The following TMEM178B variants were observed in gnomAD, a reference collection of about 807,000 sequenced individuals.
TMEM178B encodes transmembrane protein 178B.
Under a neutral mutation model 31.0 loss-of-function variants are expected in TMEM178B, and 5 were observed. The observed-to-expected ratio is 0.16, with a 90% CI of 0.08 to 0.34. TMEM178B has a LOEUF of 0.34. TMEM178B is among the 10% of genes least tolerant of loss of function. The pLI is 1.00. For synonymous variants in TMEM178B, 164 were observed against 164.0 expected, an observed-to-expected ratio of 1.00 and a Z score of 0.00; for missense variants, 275 against 400.3, an observed-to-expected ratio of 0.69 and a Z score of 2.67.
intron 2 of TMEM178B, among the ~76,000 whole-genome samples, chr7:141,402,744 G>T (rs1800808252): frequency 1.3e-5 from 2 of 152,372 alleles, no homozygotes; most frequent in South Asian, 4.1e-4. Flanking sequence ...ACCAACCTGT[G>T]ATGACAGGCA....
intron 2 of TMEM178B, among the ~76,000 whole-genome samples, chr7:141,425,031 T>C (rs1403599655): frequency 6.6e-6 from 1 of 152,174 alleles, no homozygotes; most frequent in Non-Finnish European, 1.5e-5. Context: ...AATCTCTTTG[T>C]CTCAATTTCC....
At chr7:141,405,929 A>G (rs1364412062) in intron 2 of TMEM178B, among the ~76,000 whole-genome samples, 1 of 152,188 alleles carries the variant, frequency 6.6e-6, no homozygotes, top group Admixed American at 6.5e-5. Flanking sequence ...TGTTGTGTTC[A>G]GTCCTCATTA....
chr7:141,281,240 G>A (rs189071475), intron 2 of TMEM178B, among the ~76,000 whole-genome samples: 15 of 152,264 alleles, frequency 9.9e-5, no homozygotes, highest in East Asian at 1.9e-4. Flanking sequence ...AGAAAATCAC[G>A]GAGTGGAATT....
chr7:141,414,230 G>A lies in TMEM178B; in HGVS notation c.497-23378G>A, dbSNP rs1393401251. On this transcript the variant is annotated intron_variant, in intron 2 of 3. Coordinates refer to ENST00000565468, the MANE Select transcript of TMEM178B (RefSeq NM_001195278.2). ...CTCCCGAGTAGCTGGGACTACAGGC[G>A]CCCGCCACCGCGCCCGGCTAATTTT... is the stretch of plus-strand genomic sequence containing the variant. 2.9e-5 allele frequency among the ~76,000 whole-genome samples: 2 copies of A among 68,404 alleles called. 1 individual carries two copies. Among genetic ancestry groups the A allele is most frequent in the Non-Finnish European group, 5.2e-5 (2 of 38,336 alleles). 44.9% of individuals were successfully genotyped at this position (68,404 alleles called of 152,430 possible). A position where few individuals can be genotyped will look rare whatever the true frequency, so the allele number is the denominator to read the frequency against.
chr7:141,160,272 A>G (rs565594945), intron 1 of TMEM178B, among the ~76,000 whole-genome samples: 1 of 152,056 alleles, frequency 6.6e-6, no homozygotes, highest in African/African-American at 2.4e-5. Flanking sequence ...ATGAATTTCA[A>G]GCTGTCTATA....
downstream of TMEM178B, among the ~76,000 whole-genome samples, chr7:141,480,574 T>C (rs2116745446): frequency 6.6e-6 from 1 of 152,390 alleles, no homozygotes; most frequent in African/African-American, 2.4e-5. Flanking sequence ...CAAAGGTACA[T>C]GCTTCGCATG....
chr7:141,510,685 CAAAAA>C, the TMEM178B span, among the ~76,000 whole-genome samples: 152 of 24,938 alleles, frequency 6.1e-3, no homozygotes, highest in African/African-American at 0.023. Flanking sequence ...AACTCCGTCT[CAAAAA>C]AAAAAAAAAA....
rs552309403 is a variant in TMEM178B, at chr7:141,138,929, A to G, written c.382+64237A>G. ...AACCCGGGAGGCAGAGCTTGCAGTG[A>G]GCTGAGATCGCGCCACCGCAGTCCA... is the stretch of plus-strand genomic sequence containing the variant. On this transcript the variant is annotated intron_variant, in intron 1 of 3. Transcript: ENST00000565468. Among the ~76,000 whole-genome samples the G allele has an allele frequency of 3.3e-5, 5 of 152,018 alleles. No individual in the cohort carries two copies. The South Asian group carries it at 1.0e-3, about 32-fold the overall frequency.
At chr7:141,216,354 A>G (rs1242359621) in intron 2 of TMEM178B, among the ~76,000 whole-genome samples, 1 of 152,076 alleles carries the variant, frequency 6.6e-6, no homozygotes, top group Non-Finnish European at 1.5e-5. Flanking sequence ...TCTGGAGGCC[A>G]CTAGGCTTAC....
intron 2 of TMEM178B, among the ~76,000 whole-genome samples, chr7:141,421,835 C>A (rs1217734093): frequency 1.3e-5 from 2 of 151,804 alleles, no homozygotes; most frequent in South Asian, 2.1e-4. Context: ...ACTGTACCTA[C>A]AACTTTTTTT....
intron 2 of TMEM178B, among the ~76,000 whole-genome samples, chr7:141,246,230 G>T (rs1003856963): frequency 6.6e-6 from 1 of 152,162 alleles, no homozygotes; most frequent in Non-Finnish European, 1.5e-5. Flanking sequence ...ATGGAGCCAT[G>T]CTTATTTTAG....
In TMEM178B at chr7:141,474,004, A is replaced by T. The variant is rs1802308567; in HGVS notation, c.*3218A>T. 6.6e-6 allele frequency: 1 copy of T among 152,198 alleles called. No homozygotes were observed. The highest frequency in any genetic ancestry group is 6.5e-5 in the Admixed American group (1 of 15,278). The allele number at this position is 152,198 out of a possible 1,614,324, so 9.4% of individuals were successfully genotyped here. A position where few individuals can be genotyped will look rare whatever the true frequency, so the allele number is the denominator to read the frequency against. ...GGTCAGACTCTGCTAACTCCAAATC[A>T]AAGTGGAACCCAACCTTATGAGGGC... On this transcript the variant is annotated 3_prime_UTR_variant, in exon 4 of 4. Coordinates refer to ENST00000565468, the MANE Select transcript of TMEM178B (RefSeq NM_001195278.2).
In TMEM178B at chr7:141,097,172, A is replaced by C. The variant is rs570540287; in HGVS notation, c.382+22480A>C. Among the ~76,000 whole-genome samples the C allele has an allele frequency of 6.4e-4, 98 of 151,970 alleles. 4 individuals are homozygous for C. The highest frequency in any genetic ancestry group is 4.1e-4 in the Non-Finnish European group (28 of 68,016). On this transcript the variant is annotated intron_variant, in intron 1 of 3. Transcript: ENST00000565468. ...GTAGCTAGTATTCCATTAGTTATAC[A>C]TGTATATAATAATGCATCCCCTTTC...
chr7:141,411,657 G>A (rs1342954669), intron 2 of TMEM178B, among the ~76,000 whole-genome samples: 1 of 152,212 alleles, frequency 6.6e-6, no homozygotes, highest in African/African-American at 2.4e-5. Flanking sequence ...CAATTTAAAA[G>A]TATAACTCAA....
chr7:141,420,547 G>A (rs1361997660), intron 2 of TMEM178B, among the ~76,000 whole-genome samples: 1 of 152,172 alleles, frequency 6.6e-6, no homozygotes, highest in African/African-American at 2.4e-5. Context: ...GAGCTGCAGA[G>A]AAAGGCACAG....
chr7:141,360,890 A>G (rs1168616644), intron 2 of TMEM178B, among the ~76,000 whole-genome samples: 1 of 151,622 alleles, frequency 6.6e-6, no homozygotes, highest in African/African-American at 2.4e-5. Flanking sequence ...ACCATCCAAT[A>G]CTCCATGGTG....
chr7:141,506,333 C>T, the TMEM178B span, among the ~76,000 whole-genome samples: 33 of 152,314 alleles, frequency 2.2e-4, no homozygotes, highest in Admixed American at 1.3e-4. Context: ...CTAATAAATA[C>T]GCACCCAAAA....
intron 2 of TMEM178B, among the ~76,000 whole-genome samples, chr7:141,391,246 A>T (rs1800533269): frequency 6.6e-6 from 1 of 152,018 alleles, no homozygotes; most frequent in Non-Finnish European, 1.5e-5. Context: ...GCTCACTGCA[A>T]CTTCCACCTC....
the TMEM178B span, among the ~76,000 whole-genome samples, chr7:141,496,576 A>G: frequency 7.2e-6 from 1 of 139,304 alleles, no homozygotes; most frequent in South Asian, 2.3e-4. Flanking sequence ...AGGCTGAGGC[A>G]GGAGAATGGC....
Sources: gnomAD v4.1 joint callset for allele counts (sites outside exome capture counted in the v4.1 genomes callset) on GRCh38, gnomAD v4.1.1 for gene constraint, MANE v1.5 for transcripts, NCBI Gene and HGNC (gene_info 2026-07-23, HGNC 2026-07-21) for gene names.